Variants in SLC24A2 observed in about 807,000 individuals in gnomAD.
SLC24A2 encodes solute carrier family 24 member 2.
Under a neutral mutation model 62.0 loss-of-function variants are expected in SLC24A2, and 36 were observed. The ratio of observed to expected loss-of-function variants is 0.58; its 90% CI spans 0.44 to 0.77. The LOEUF is 0.77. Ranked by LOEUF, SLC24A2 falls within the 30% of genes least tolerant of loss-of-function variation. The probability of loss-of-function intolerance (pLI) is 0.00; values close to 1 mark genes in which losing one functional copy is unlikely to be tolerated. For synonymous variants in SLC24A2, 358 were observed against 294.0 expected, an observed-to-expected ratio of 1.22 and a Z score of -2.23; for missense variants, 846 against 817.9, an observed-to-expected ratio of 1.03 and a Z score of -0.42.
chr9:20,271,647 T>C, the SLC24A2 span, among the ~76,000 whole-genome samples: 8 of 152,254 alleles, frequency 5.3e-5, no homozygotes, highest in Non-Finnish European at 1.0e-4. Flanking sequence ...AAAGAAAAGC[T>C]CAAGCAAGAG....
the SLC24A2 span, among the ~76,000 whole-genome samples, chr9:20,143,437 T>C: frequency 6.6e-6 from 1 of 152,238 alleles, no homozygotes; most frequent in Non-Finnish European, 1.5e-5. Context: ...CTGTTTTTCC[T>C]GCCTTGACTT....
intron 2 of SLC24A2, among the ~76,000 whole-genome samples, chr9:19,716,686 C>A (rs948102547): frequency 1.3e-5 from 2 of 152,190 alleles, no homozygotes; most frequent in South Asian, 4.1e-4. Flanking sequence ...CCTCCCCTAT[C>A]TGACCCTTTC....
intron 10 of SLC24A2, among the ~76,000 whole-genome samples, chr9:19,517,068 C>T (rs560366280): frequency 1.3e-5 from 2 of 152,196 alleles, no homozygotes; most frequent in South Asian, 2.1e-4. Context: ...TATTTTTATA[C>T]CTGTTTTCTC....
chr9:19,801,756 T>G, the SLC24A2 span, among the ~76,000 whole-genome samples: 3 of 152,216 alleles, frequency 2.0e-5, no homozygotes, highest in Non-Finnish European at 4.4e-5. Context: ...AGTGGTCACC[T>G]TCCCAGCCAG....
chr9:19,894,420 T>C, the SLC24A2 span, among the ~76,000 whole-genome samples: 1 of 152,244 alleles, frequency 6.6e-6, no homozygotes, highest in African/African-American at 2.4e-5. Flanking sequence ...TATGTTATCA[T>C]TGTTTATTTT....
At chr9:19,812,866 G>A in the SLC24A2 span, among the ~76,000 whole-genome samples, 10 of 152,040 alleles carry the variant, frequency 6.6e-5, no homozygotes, top group Non-Finnish European at 1.2e-4. Flanking sequence ...GCCTACTTCC[G>A]TTATTCTTTG....
the SLC24A2 span, among the ~76,000 whole-genome samples, chr9:19,921,726 G>C: frequency 6.6e-6 from 1 of 152,036 alleles, no homozygotes; most frequent in South Asian, 2.1e-4. Context: ...TTTGCCTAGA[G>C]AGAACACAAT....
chr9:19,684,659 G>A (rs984125076), intron 2 of SLC24A2, among the ~76,000 whole-genome samples: 11 of 152,018 alleles, frequency 7.2e-5, no homozygotes, highest in East Asian at 3.9e-4. Flanking sequence ...CTTTCATTAC[G>A]AAAGACAAAT....
chr9:19,971,900 C>T, the SLC24A2 span, among the ~76,000 whole-genome samples: 2 of 152,110 alleles, frequency 1.3e-5, no homozygotes, highest in African/African-American at 4.8e-5. Context: ...CATTTTCTTT[C>T]CCTCATTTTA....
At chr9:19,779,388 G>A (rs1274654315) in intron 2 of SLC24A2, among the ~76,000 whole-genome samples, 1 of 152,210 alleles carries the variant, frequency 6.6e-6, no homozygotes, top group Non-Finnish European at 1.5e-5. Flanking sequence ...TTATAAAGGA[G>A]CAATGTTTAC....
chr9:19,683,764 T>C (rs10448199), intron 2 of SLC24A2, among the ~76,000 whole-genome samples: 65,417 of 151,968 alleles, frequency 0.43, 15,404 homozygotes, highest in East Asian at 0.76. Context: ...AGCTTTCTTG[T>C]GCTGAGATGG....
intron 5 of SLC24A2, among the ~76,000 whole-genome samples, chr9:19,590,528 CA>C (rs1836520062): frequency 6.6e-6 from 1 of 152,156 alleles, no homozygotes; most frequent in Non-Finnish European, 1.5e-5. Flanking sequence ...CTTGGGAGTA[CA>C]AAGCAATAAC....
intron 2 of SLC24A2, among the ~76,000 whole-genome samples, chr9:19,685,912 G>A (rs1819866864): frequency 6.6e-6 from 1 of 151,474 alleles, no homozygotes; most frequent in Non-Finnish European, 1.5e-5. Flanking sequence ...AACAAAAATG[G>A]ACAAATTGGA....
the SLC24A2 span, among the ~76,000 whole-genome samples, chr9:19,820,067 A>ATG: frequency 1.5e-5 from 2 of 135,784 alleles, no homozygotes; most frequent in African/African-American, 5.6e-5. Flanking sequence ...ACATATATAT[A>ATG]TATATATATA....
chr9:20,189,859 A>G, the SLC24A2 span, among the ~76,000 whole-genome samples: 1 of 152,214 alleles, frequency 6.6e-6, no homozygotes, highest in East Asian at 1.9e-4. Context: ...CAGTGACTGC[A>G]CAATTCTGCC....
At chr9:19,533,795 A>C (rs113629812) in intron 8 of SLC24A2, among the ~76,000 whole-genome samples, 1,938 of 152,308 alleles carry the variant, frequency 0.013, 43 homozygotes, top group African/African-American at 0.045. Context: ...GTATGTTACA[A>C]AGCAAAAGAT....
At chr9:19,558,051 C>T (rs147623710) in intron 7 of SLC24A2, among the ~76,000 whole-genome samples, 1 of 152,292 alleles carries the variant, frequency 6.6e-6, no homozygotes, top group African/African-American at 2.4e-5. Flanking sequence ...GATCCTCCTG[C>T]CTTGGCCTCC....
chr9:19,550,707 T>TC (rs1491373916), intron 7 of SLC24A2, among the ~76,000 whole-genome samples: 4 of 7,232 alleles, frequency 5.5e-4, no homozygotes, highest in African/African-American at 1.1e-3. Context: ...TCTTTTTCTC[T>TC]TTTTTTTTTT....
chr9:19,953,577 G>C, the SLC24A2 span, among the ~76,000 whole-genome samples: 25 of 151,986 alleles, frequency 1.6e-4, no homozygotes, highest in African/African-American at 5.5e-4. Flanking sequence ...TTTTCTCAAG[G>C]CACCTCAGAT....
Sources: gnomAD v4.1 joint callset for allele counts (sites outside exome capture counted in the v4.1 genomes callset) on GRCh38, gnomAD v4.1.1 for gene constraint, MANE v1.5 for transcripts, NCBI Gene and HGNC (gene_info 2026-07-23, HGNC 2026-07-21) for gene names.